The following GRID2 variants were observed in gnomAD, a reference collection of about 807,000 sequenced individuals.
The protein encoded by GRID2 is glutamate receptor ionotropic, delta-2.
In GRID2, 33 loss-of-function variants were observed where a neutral mutation model predicts 114.8. That is an observed-to-expected ratio of 0.29 (90% CI 0.22 to 0.38). The LOEUF is 0.38. Among genes scored for constraint, GRID2 ranks in the 10% least tolerant of loss-of-function variants. The pLI, the probability that GRID2 is intolerant of heterozygous loss-of-function variation, is 1.00. For synonymous variants in GRID2, 505 were observed against 449.9 expected, an observed-to-expected ratio of 1.12 and a Z score of -1.55; for missense variants, 1,184 against 1,257.7, an observed-to-expected ratio of 0.94 and a Z score of 0.89.
At chr4:92,979,975 T>C (rs1207614173) in intron 2 of GRID2, among the ~76,000 whole-genome samples, 5 of 152,200 alleles carry the variant, frequency 3.3e-5, no homozygotes, top group East Asian at 1.9e-4. Flanking sequence ...CACTACAGTG[T>C]AATTTAAAAG....
chr4:92,621,569 G>C (rs1730276604), intron 2 of GRID2, among the ~76,000 whole-genome samples: 1 of 151,726 alleles, frequency 6.6e-6, no homozygotes, highest in South Asian at 2.1e-4. Flanking sequence ...GCTGAGGTGG[G>C]AGGATTGTAT....
At chr4:92,395,196 T>C (rs1285173971) in intron 1 of GRID2, among the ~76,000 whole-genome samples, 3 of 151,656 alleles carry the variant, frequency 2.0e-5, no homozygotes, top group African/African-American at 7.2e-5. Flanking sequence ...GTACTAATAA[T>C]GGGGATATTT....
chr4:93,676,490 AT>A (rs894167633), intron 14 of GRID2, among the ~76,000 whole-genome samples: 3 of 152,190 alleles, frequency 2.0e-5, no homozygotes, highest in Non-Finnish European at 4.4e-5. Context: ...AGACATGGCA[AT>A]CTGGCTTTAC....
At position 92,699,469 on chromosome 4, in the gene GRID2, A is replaced by T. The variant is rs202158106; in HGVS notation, c.244+109183A>T. 1.1e-4 allele frequency among the ~76,000 whole-genome samples: 16 copies of T among 152,318 alleles called. 1 individual carries two copies. The East Asian group carries it at 3.1e-3, about 29-fold the overall frequency. On this transcript the variant is annotated intron_variant, in intron 2 of 15. Transcript: ENST00000282020. ...TCTAAGTCTCTACTGCTCAGATGTG[A>T]TTAAATGAGGTACATTTGAAAAATA...
intron 2 of GRID2, among the ~76,000 whole-genome samples, chr4:92,755,409 A>G (rs112016030): frequency 2.0e-5 from 3 of 152,198 alleles, no homozygotes; most frequent in Non-Finnish European, 4.4e-5. Flanking sequence ...CCTATCTTCA[A>G]GTACTATTAC....
chr4:93,681,977 A>G (rs1334841066), intron 14 of GRID2, among the ~76,000 whole-genome samples: 2 of 151,404 alleles, frequency 1.3e-5, no homozygotes, highest in Non-Finnish European at 1.5e-5. Flanking sequence ...AGAAACTACC[A>G]TCAGAGTGAA....
At chr4:92,316,493 G>A (rs1406767699) in intron 1 of GRID2, among the ~76,000 whole-genome samples, 3 of 152,014 alleles carry the variant, frequency 2.0e-5, no homozygotes, top group African/African-American at 7.3e-5. Flanking sequence ...TATCAATTTA[G>A]GGTTACATGA....
At chr4:93,356,285 AG>A (rs1761330905) in intron 8 of GRID2, among the ~76,000 whole-genome samples, 1 of 152,066 alleles carries the variant, frequency 6.6e-6, no homozygotes. Context: ...TGATTCATAA[AG>A]TATATAAAAA....
intron 4 of GRID2, among the ~76,000 whole-genome samples, chr4:93,123,469 A>G (rs1057423440): frequency 6.6e-6 from 1 of 152,204 alleles, no homozygotes; most frequent in Admixed American, 6.6e-5. Flanking sequence ...TTATTCAAAC[A>G]ATATATTTAA....
At chr4:92,858,406 T>A (rs527570232) in intron 2 of GRID2, among the ~76,000 whole-genome samples, 1 of 152,282 alleles carries the variant, frequency 6.6e-6, no homozygotes, top group South Asian at 2.1e-4. Flanking sequence ...ATTTCAACCA[T>A]CATACATGAC....
At chr4:92,713,495 ATATATATATAT>A (rs1735373708) in intron 2 of GRID2, among the ~76,000 whole-genome samples, 4 of 126,728 alleles carry the variant, frequency 3.2e-5, no homozygotes, top group African/African-American at 1.2e-4. Flanking sequence ...ATATATATAT[ATATATATATAT>A]ATATATATAT....
intron 4 of GRID2, among the ~76,000 whole-genome samples, chr4:93,178,255 G>T (rs910698346): frequency 2.6e-5 from 4 of 151,698 alleles, no homozygotes; most frequent in African/African-American, 9.7e-5. Context: ...ATCTGTCCAG[G>T]TTACCACAGC....
chr4:92,944,498 A>T (rs1751453779), intron 2 of GRID2, among the ~76,000 whole-genome samples: 1 of 152,164 alleles, frequency 6.6e-6, no homozygotes, highest in African/African-American at 2.4e-5. Flanking sequence ...TAGGAAAGGG[A>T]ATTCCCTGAC....
intron 4 of GRID2, among the ~76,000 whole-genome samples, chr4:93,191,206 G>A (rs960422385): frequency 2.0e-5 from 3 of 151,968 alleles, no homozygotes; most frequent in Non-Finnish European, 4.4e-5. Context: ...ACTCTAGATA[G>A]TCTTTGCAAT....
chr4:92,411,958 G>A (rs1449594304), intron 1 of GRID2, among the ~76,000 whole-genome samples: 2 of 151,728 alleles, frequency 1.3e-5, no homozygotes, highest in African/African-American at 4.8e-5. Flanking sequence ...GCCCGCCTCG[G>A]CCTCCCAAAG....
intron 13 of GRID2, among the ~76,000 whole-genome samples, chr4:93,532,623 C>T (rs1731561092): frequency 6.6e-6 from 1 of 152,140 alleles, no homozygotes; most frequent in Non-Finnish European, 1.5e-5. Flanking sequence ...AGCTTATCAA[C>T]TCAAAATATC....
At chr4:93,528,175 T>TAC (rs905408921) in intron 13 of GRID2, among the ~76,000 whole-genome samples, 19 of 151,716 alleles carry the variant, frequency 1.3e-4, no homozygotes, top group East Asian at 3.9e-4. Flanking sequence ...TATATACATA[T>TAC]ACACACACAC....
At chr4:93,391,664 A>T (rs1560572768) in intron 8 of GRID2, among the ~76,000 whole-genome samples, 3 of 152,184 alleles carry the variant, frequency 2.0e-5, no homozygotes, top group Admixed American at 1.3e-4. Flanking sequence ...TTGACATTAT[A>T]ACACTGCCTG....
intron 2 of GRID2, among the ~76,000 whole-genome samples, chr4:92,712,334 C>T (rs1735297331): frequency 6.6e-6 from 1 of 151,950 alleles, no homozygotes; most frequent in African/African-American, 2.4e-5. Context: ...CTTTAGTGAA[C>T]AATTTTTTAA....
Sources: allele counts gnomAD v4.1 joint callset (sites outside exome capture counted in the v4.1 genomes callset), GRCh38; gene constraint gnomAD v4.1.1; transcripts MANE v1.5; gene names NCBI Gene and HGNC (gene_info 2026-07-23, HGNC 2026-07-21).